The following LRBA variants were observed in gnomAD, a reference collection of about 807,000 sequenced individuals.
LRBA encodes LPS responsive beige-like anchor protein.
A neutral mutation model predicts 330.0 loss-of-function variants in LRBA; 176 were observed. That is an observed-to-expected ratio of 0.53 (90% CI 0.47 to 0.60). The LOEUF (loss-of-function observed/expected upper bound fraction) is 0.60. LRBA is among the 20% of genes least tolerant of loss of function. LRBA has a pLI of 0.00. For missense variants in LRBA, 3,259 were observed against 3,444.8 expected (o/e 0.95, Z 1.35); for synonymous variants, 1,230 against 1,193.0 (o/e 1.03, Z -0.64).
At chr4:150,574,459 T>C (rs922719315) in intron 40 of LRBA, among the ~76,000 whole-genome samples, 1 of 152,122 alleles carries the variant, frequency 6.6e-6, no homozygotes, top group Non-Finnish European at 1.5e-5. Flanking sequence ...AAAGATTACC[T>C]AGTCCAACCC....
intron 40 of LRBA, among the ~76,000 whole-genome samples, chr4:150,557,532 C>G (rs1050405284): frequency 6.6e-6 from 1 of 151,282 alleles, no homozygotes; most frequent in Non-Finnish European, 1.5e-5. Context: ...ATCCAAGACA[C>G]CACATTATAT....
chr4:150,332,291 T>A (rs543782322), intron 48 of LRBA, among the ~76,000 whole-genome samples: 4 of 152,208 alleles, frequency 2.6e-5, no homozygotes, highest in Non-Finnish European at 4.4e-5. Flanking sequence ...TTCCTCCTCA[T>A]TCTTGAAGAC....
intron 24 of LRBA, among the ~76,000 whole-genome samples, chr4:150,849,785 C>T (rs112759399): frequency 3.3e-4 from 50 of 152,218 alleles, no homozygotes; most frequent in African/African-American, 1.2e-3. Context: ...TCCTTCAGTG[C>T]TGAAACATAA....
At chr4:150,694,543 C>T (rs765576837) in intron 36 of LRBA, among the ~76,000 whole-genome samples, 17 of 140,876 alleles carry the variant, frequency 1.2e-4, no homozygotes, top group Non-Finnish European at 2.3e-4. Context: ...AAAATCTCAA[C>T]AGCAAACAAA....
chr4:150,675,770 GTGTC>G (rs1479817195), intron 37 of LRBA, among the ~76,000 whole-genome samples: 1 of 152,012 alleles, frequency 6.6e-6, no homozygotes, highest in South Asian at 2.1e-4. Context: ...ACTTGGCACA[GTGTC>G]TGGCTCAAAA....
At chr4:150,902,219 T>C (rs1369927125) in intron 13 of LRBA, among the ~76,000 whole-genome samples, 1 of 152,110 alleles carries the variant, frequency 6.6e-6, no homozygotes, top group African/African-American at 2.4e-5. Flanking sequence ...GGCATTAAGA[T>C]AGGCTTTGAA....
chr4:150,925,109 T>C (rs143763113), intron 4 of LRBA, among the ~76,000 whole-genome samples: 9 of 151,122 alleles, frequency 6.0e-5, no homozygotes, highest in Admixed American at 5.3e-4. Context: ...GAGAATGCAG[T>C]GAGCCATGAT....
intron 2 of LRBA, among the ~76,000 whole-genome samples, chr4:150,954,258 T>C (rs1737272344): frequency 6.6e-6 from 1 of 152,012 alleles, no homozygotes; most frequent in South Asian, 2.1e-4. Context: ...CCACCCCGTC[T>C]GGGAGGTGTA....
intron 37 of LRBA, among the ~76,000 whole-genome samples, chr4:150,647,352 CTTTTTTTTTTTTT>C (rs769403201): frequency 1.3e-5 from 1 of 79,798 alleles, no homozygotes; most frequent in East Asian, 4.2e-4. Context: ...ATTACTTTTT[CTTTTTTTTTTTTT>C]TTTTTTTTTT....
In LRBA at chr4:150,836,941, A is replaced by C. The variant is rs572378928; in HGVS notation, c.4570-4965T>G. Among the ~76,000 whole-genome samples, 202 of 152,260 alleles carry C rather than the reference A, an allele frequency of 1.3e-3. 1 individual carries two copies. Among genetic ancestry groups the C allele is most frequent in the African/African-American group, 4.8e-3 (198 of 41,530 alleles). On this transcript the variant is annotated intron_variant, in intron 28 of 56. Coordinates refer to ENST00000651943, the MANE Select transcript of LRBA (RefSeq NM_001364905.1). Reference sequence around the variant, plus strand: ...TCTCTTGTGGGCATTTAGTGCTATAAATTTCCCTCTACACACTGCTTTAAA... The same window carrying C: ...TCTCTTGTGGGCATTTAGTGCTATACATTTCCCTCTACACACTGCTTTAAA...
At chr4:150,710,907 C>T (rs1786124467) in intron 36 of LRBA, among the ~76,000 whole-genome samples, 1 of 151,846 alleles carries the variant, frequency 6.6e-6, no homozygotes, top group Admixed American at 6.6e-5. Context: ...CTAAAGGATA[C>T]TATTATTCAG....
chr4:150,495,158 C>T (rs749756170), intron 40 of LRBA, among the ~76,000 whole-genome samples: 32 of 152,166 alleles, frequency 2.1e-4, no homozygotes, highest in Non-Finnish European at 4.1e-4. Context: ...TTCCTGATCC[C>T]ATTTTCCTCC....
At chr4:150,820,332 C>T (rs924347017) in intron 30 of LRBA, among the ~76,000 whole-genome samples, 3 of 151,896 alleles carry the variant, frequency 2.0e-5, no homozygotes, top group East Asian at 1.9e-4. Context: ...AATTCACATA[C>T]CATTTAATTC....
chr4:150,552,156 C>T (rs1463690123), intron 40 of LRBA, among the ~76,000 whole-genome samples: 1 of 152,152 alleles, frequency 6.6e-6, no homozygotes, highest in Non-Finnish European at 1.5e-5. Context: ...ACCTGGCACT[C>T]CTCTCCTGCT....
chr4:150,946,337 A>T (rs1157733956), intron 2 of LRBA, among the ~76,000 whole-genome samples: 1 of 152,192 alleles, frequency 6.6e-6, no homozygotes, highest in Admixed American at 6.5e-5. Context: ...ATTGTTTACA[A>T]GGGCCTATGG....
intron 40 of LRBA, among the ~76,000 whole-genome samples, chr4:150,525,761 T>A (rs1320099959): frequency 6.6e-6 from 1 of 152,164 alleles, no homozygotes; most frequent in Non-Finnish European, 1.5e-5. Flanking sequence ...ATAAAACCCC[T>A]GCTATTTCCA....
intron 40 of LRBA, among the ~76,000 whole-genome samples, chr4:150,491,641 G>A (rs1293414559): frequency 2.0e-5 from 3 of 152,194 alleles, no homozygotes; most frequent in East Asian, 3.9e-4. Context: ...AATGAACTTA[G>A]CATAATCTCC....
chr4:150,757,239 TG>T (rs1306658186), intron 35 of LRBA, among the ~76,000 whole-genome samples: 1 of 152,122 alleles, frequency 6.6e-6, no homozygotes, highest in African/African-American at 2.4e-5. Flanking sequence ...ATTAAACAAA[TG>T]TAAGTTAAAG....
chr4:150,322,010 T>C (rs918210050), intron 49 of LRBA, among the ~76,000 whole-genome samples: 2 of 152,204 alleles, frequency 1.3e-5, no homozygotes, highest in African/African-American at 4.8e-5. Context: ...AATGTACTTG[T>C]AAAAACAATA....
Sources: gnomAD v4.1 joint callset for allele counts (sites outside exome capture counted in the v4.1 genomes callset) on GRCh38, gnomAD v4.1.1 for gene constraint, MANE v1.5 for transcripts, NCBI Gene and HGNC (gene_info 2026-07-23, HGNC 2026-07-21) for gene names.